DNM1: variants seen among roughly 807,000 people sequenced by gnomAD.
DNM1 encodes the protein dynamin 1.
Under a neutral mutation model 104.6 loss-of-function variants are expected in DNM1, and 29 were observed. The ratio of observed to expected loss-of-function variants is 0.28; its 90% CI spans 0.21 to 0.38. The LOEUF (loss-of-function observed/expected upper bound fraction) is 0.38, where lower values mean the gene tolerates loss of function less well. Among genes scored for constraint, DNM1 ranks in the 10% least tolerant of loss-of-function variants. DNM1 has a pLI of 1.00. For missense variants in DNM1, 640 were observed against 1,189.4 expected (o/e 0.54, Z 6.79); for synonymous variants, 445 against 475.8 (o/e 0.94, Z 0.84).
intron 1 of DNM1, among the ~76,000 whole-genome samples, chr9:128,215,745 C>T (rs1834564713): frequency 6.6e-6 from 1 of 152,182 alleles, no homozygotes; most frequent in South Asian, 2.1e-4. Context: ...GGGAAGAACT[C>T]CAGGGAAAGT....
chr9:128,224,528 G>C lies in DNM1; in HGVS notation c.1335+139G>C. 1 of 748,056 alleles carries C rather than the reference G, an allele frequency of 1.3e-6. No individual in the cohort carries two copies. 46.3% of individuals were successfully genotyped at this position (748,056 alleles called of 1,614,324 possible). A position where few individuals can be genotyped will look rare whatever the true frequency, so the allele number is the denominator to read the frequency against. On this transcript the variant is annotated intron_variant, in intron 10 of 21. Transcript: ENST00000372923. The surrounding 1 kb of genome is among the most constrained non-coding windows in gnomAD (Gnocchi z 4.3). ...CGGGGTGGGGAGGCAGGCCACCACTGAATAGGAGACAATGTGCCTCTGAGA... is the reference window on the plus strand; with the variant it reads ...CGGGGTGGGGAGGCAGGCCACCACTCAATAGGAGACAATGTGCCTCTGAGA...
At position 128,243,620 on chromosome 9, in the gene DNM1, CGGGTGGGGGGT is replaced by C. The variant is rs1836540965; in HGVS notation, c.1671+1278_1671+1288del. 1.3e-5 allele frequency among the ~76,000 whole-genome samples: 2 copies of C among 152,122 alleles called. No individual in the cohort carries two copies. Among genetic ancestry groups the C allele is most frequent in the Admixed American group, 6.5e-5 (1 of 15,272 alleles). ...ATGGAGTGTGCAGTGGCATGGGGTG[CGGGTGGGGGGT>C]GGCTTCCTGCCGGTCTCTCTGCAGG... On this transcript the variant is annotated intron_variant, in intron 15 of 21. Coordinates refer to ENST00000372923, the MANE Select transcript of DNM1 (RefSeq NM_004408.4). This position sits in a 1 kb window ranked among gnomAD's most constrained non-coding sequence, Gnocchi z 4.0.
intron 14 of DNM1, chr9:128,241,032 G>A (rs143711631): frequency 7.9e-5 from 12 of 152,480 alleles, no homozygotes; most frequent in Non-Finnish European, 1.2e-4. Context: ...GGGGATCCTC[G>A]CCTGATCAGG....
chr9:128,234,042 C>T lies in DNM1; in HGVS notation c.1357C>T (p.Arg453Trp), dbSNP rs368427334. ...TKKLQQYPRLREEMERIVTTH... is the reference protein window; with the variant it reads ...TKKLQQYPRLWEEMERIVTTH... ...CCAGCTCCAGCAGTACCCGCGGCTA[C>T]GGGAGGAGATGGAGCGCATCGTGAC... Residue 453 changes from arginine to tryptophan, a missense_variant, in exon 11 of 22, where the codon CGG becomes TGG. Arg to Trp is a moderately radical substitution (Grantham distance 101). Transcript: ENST00000372923. 7 of 1,575,284 alleles carry T rather than the reference C, an allele frequency of 4.4e-6. No individual in the cohort carries two copies. Among genetic ancestry groups the T allele is most frequent in the African/African-American group, 1.4e-5 (1 of 73,936 alleles).
rs1343929840 is a variant in DNM1, at chr9:128,253,118, C to T, written c.2535-1536C>T. The T allele has an allele frequency of 6.2e-7, 1 of 1,608,910 alleles. No homozygotes were observed. Among genetic ancestry groups the T allele is most frequent in the East Asian group, 2.2e-5 (1 of 44,880 alleles). ...TCTTTCAGAATCACTATCAGTGACC[C>T]CTGAGGAGCGTCAGCCATGGTAGGT... is the stretch of plus-strand genomic sequence containing the variant. On this transcript the variant is annotated intron_variant, in intron 21 of 21. Transcript: ENST00000372923. The surrounding 1 kb of genome is among the most constrained non-coding windows in gnomAD (Gnocchi z 5.9).
intron 10 of DNM1, 30 bp from the exon 11 acceptor site, chr9:128,233,991 G>T (rs1835854396): frequency 6.5e-7 from 1 of 1,549,822 alleles, no homozygotes; most frequent in African/African-American, 1.4e-5. Flanking sequence ...CTCTGTGTAC[G>T]TGGCTTTCTG....
chr9:128,220,156 G>T lies in DNM1; in HGVS notation c.689-25G>T. ...CCTTCCCCTCCTCTTGAGGCTGGTTGCCCTGACCTTGATACTGTTCACAGG... is the reference window on the plus strand; with the variant it reads ...CCTTCCCCTCCTCTTGAGGCTGGTTTCCCTGACCTTGATACTGTTCACAGG... On this transcript the variant is annotated intron_variant, in intron 5 of 21. Coordinates refer to ENST00000372923, the MANE Select transcript of DNM1 (RefSeq NM_004408.4). The surrounding 1 kb of genome is among the most constrained non-coding windows in gnomAD (Gnocchi z 5.2). The T allele has an allele frequency of 3.7e-6, 6 of 1,613,388 alleles. No homozygotes were observed. Among genetic ancestry groups the T allele is most frequent in the Non-Finnish European group, 5.1e-6 (6 of 1,179,472 alleles).
intron 1 of DNM1, among the ~76,000 whole-genome samples, chr9:128,213,027 G>A (rs946333564): frequency 1.3e-5 from 2 of 152,216 alleles, no homozygotes; most frequent in South Asian, 2.1e-4. Flanking sequence ...CTCCCATCAG[G>A]TGTTGGGATG....
Position 128,222,434 on chromosome 9 carries a change from C to A in DNM1, c.993-27C>A, listed in dbSNP as rs767269009. 3.1e-6 allele frequency: 5 copies of A among 1,613,358 alleles called. No individual in the cohort carries two copies. Among genetic ancestry groups the A allele is most frequent in the Non-Finnish European group, 4.2e-6 (5 of 1,179,506 alleles). ...TCCCTTTGCTGGGCTGCTCCTGCCC[C>A]CTCAGGCCACACCACTCTCCCACCA... On this transcript the variant is annotated intron_variant, in intron 7 of 21. Coordinates refer to ENST00000372923, the MANE Select transcript of DNM1 (RefSeq NM_004408.4). The surrounding 1 kb of genome is among the most constrained non-coding windows in gnomAD (Gnocchi z 7.8).
intron 6 of DNM1, chr9:128,221,111 T>C (rs1295085142): frequency 2.6e-5 from 4 of 151,196 alleles, no homozygotes; most frequent in Non-Finnish European, 5.9e-5. Flanking sequence ...CTCTCTTAGA[T>C]GGAGTTTTGC....
At position 128,239,374 on chromosome 9, in the gene DNM1, C is replaced by T. The variant is rs1394894427; in HGVS notation, c.1423-71C>T. ...TATATGTGCTGCAAGTACTTTTCTC[C>T]CAGCTTGCCCTGCATTTTAAAACTT... On this transcript the variant is annotated intron_variant, in intron 11 of 21. Transcript: ENST00000372923. 5 of 1,186,338 alleles carry T rather than the reference C, an allele frequency of 4.2e-6. No homozygotes were observed. The African/African-American group carries it at 4.5e-5, about 11-fold the overall frequency. 73.5% of individuals were successfully genotyped at this position (1,186,338 alleles called of 1,614,324 possible).
rs1035561410 is a variant in DNM1 at position 128,220,830 on chromosome 9, C to A, written c.849+489C>A. 1.3e-5 allele frequency among the ~76,000 whole-genome samples: 2 copies of A among 150,850 alleles called. No individual in the cohort carries two copies. The highest frequency in any genetic ancestry group is 4.9e-5 in the African/African-American group (2 of 41,174). Reference sequence around the variant, plus strand: ...TTCCAATCCCAGTTTTGTCACTCCCCCTCTGAGACACTCTCTCTGGCTCTC... The same window carrying A: ...TTCCAATCCCAGTTTTGTCACTCCCACTCTGAGACACTCTCTCTGGCTCTC... On this transcript the variant is annotated intron_variant, in intron 6 of 21. Transcript: ENST00000372923. The surrounding 1 kb of genome is among the most constrained non-coding windows in gnomAD (Gnocchi z 5.2).
chr9:128,210,580 C>G (rs929191521), intron 1 of DNM1, among the ~76,000 whole-genome samples: 1 of 152,132 alleles, frequency 6.6e-6, no homozygotes, highest in Non-Finnish European at 1.5e-5. Context: ...CCAGGCTGGT[C>G]TCGAATTCCT....
intron 4 of DNM1, among the ~76,000 whole-genome samples, chr9:128,219,526 G>A (rs1009708562): frequency 4.0e-5 from 6 of 151,690 alleles, no homozygotes; most frequent in East Asian, 1.9e-4. Context: ...AAAATTAGCC[G>A]GGCACCGTGG....
At chr9:128,252,937 A>G (rs1829616930) in intron 21 of DNM1, 9 of 719,442 alleles carry the variant, frequency 1.3e-5, no homozygotes, top group Non-Finnish European at 1.7e-5. Context: ...AAGGAGGCGT[A>G]TGCGTGTTGT....
rs1435355277 is a variant in DNM1 at position 128,243,961 on chromosome 9, G to T, written c.1671+1616G>T. Among the ~76,000 whole-genome samples the T allele has an allele frequency of 6.6e-6, 1 of 151,264 alleles. No individual in the cohort carries two copies. Among genetic ancestry groups the T allele is most frequent in the Non-Finnish European group, 1.5e-5 (1 of 67,968 alleles). ...TGTGTTTGTGTGTGTGTGTGTGTGT[G>T]TGTGTGTGGCTTGTGGGTCTGGTGT... On this transcript the variant is annotated intron_variant, in intron 15 of 21. Transcript: ENST00000372923. The surrounding 1 kb of genome is among the most constrained non-coding windows in gnomAD (Gnocchi z 4.0).
At chr9:128,208,711 G>A (rs556333828) in intron 1 of DNM1, among the ~76,000 whole-genome samples, 5 of 151,126 alleles carry the variant, frequency 3.3e-5, no homozygotes, top group East Asian at 1.9e-4. Context: ...GCGGCTGATC[G>A]GGGCAGACAG....
intron 10 of DNM1, chr9:128,232,237 G>A (rs534499669): frequency 6.1e-4 from 210 of 346,676 alleles, no homozygotes; most frequent in Non-Finnish European, 1.1e-3. Flanking sequence ...CACCTCAGAG[G>A]AGGCCTGGTG....
chr9:128,216,176 C>A (rs1379201670), intron 1 of DNM1, among the ~76,000 whole-genome samples: 1 of 152,218 alleles, frequency 6.6e-6, no homozygotes, highest in Non-Finnish European at 1.5e-5. Context: ...CATCTCCCAT[C>A]CCCAGAGCCC....
Sources: allele counts gnomAD v4.1 joint callset (sites outside exome capture counted in the v4.1 genomes callset), GRCh38; gene constraint gnomAD v4.1.1; non-coding constraint Gnocchi (gnomAD v3.1); transcripts MANE v1.5; gene names NCBI Gene and HGNC (gene_info 2026-07-23, HGNC 2026-07-21).